AKR1C3: variants seen among roughly 807,000 people sequenced by gnomAD.
The protein encoded by AKR1C3 is aldo-keto reductase family 1 member C3.
AKR1C3 carries 48 observed loss-of-function variants against 43.6 expected under a neutral mutation model. The observed-to-expected ratio is 1.10, with a 90% CI of 0.87 to 1.40. The LOEUF is 1.40. Among genes scored for constraint, AKR1C3 ranks in the 40% most tolerant of loss-of-function variants. AKR1C3 has a pLI of 0.00. For missense variants in AKR1C3, 482 were observed against 391.2 expected, an observed-to-expected ratio of 1.23 and a Z score of -1.96; for synonymous variants, 162 against 139.6, an observed-to-expected ratio of 1.16 and a Z score of -1.13.
chr10:5,065,339 G>T (rs1256602618), intron 1 of AKR1C3, among the ~76,000 whole-genome samples: 1 of 152,176 alleles, frequency 6.6e-6, no homozygotes, highest in Admixed American at 6.5e-5. Flanking sequence ...CAATAGCATA[G>T]TCATGGAATC....
In AKR1C3 at chr10:5,097,801, T is replaced by G. The variant is rs1839245413; in HGVS notation, c.369+251T>G. The G allele has an allele frequency of 4.1e-6, 5 of 1,231,492 alleles. No homozygotes were observed. The South Asian group carries it at 8.4e-5, about 21-fold the overall frequency. The allele number at this position is 1,231,492 out of a possible 1,614,324, so 76.3% of individuals were successfully genotyped here. A position where few individuals can be genotyped will look rare whatever the true frequency, so the allele number is the denominator to read the frequency against. ...CCTCAAAAACTTGAAATTACAATAGTCTCTTTCAAGGCACTGTCTTAGTTG... is the reference window on the plus strand; with the variant it reads ...CCTCAAAAACTTGAAATTACAATAGGCTCTTTCAAGGCACTGTCTTAGTTG... On this transcript the variant is annotated intron_variant, in intron 3 of 8. Coordinates refer to ENST00000380554, the MANE Select transcript of AKR1C3 (RefSeq NM_003739.6).
intron 1 of AKR1C3, among the ~76,000 whole-genome samples, chr10:5,065,806 CTCCAGACA>C (rs1193653103): frequency 5.6e-4 from 86 of 152,298 alleles, no homozygotes; most frequent in African/African-American, 1.9e-3. Context: ...TGTTCCCTGC[CTCCAGACA>C]TTATTTTCTT....
chr10:5,057,275 T>C (rs1554779701), intron 1 of AKR1C3, among the ~76,000 whole-genome samples: 1 of 152,174 alleles, frequency 6.6e-6, no homozygotes, highest in African/African-American at 2.4e-5. Flanking sequence ...TTCTGTCCTC[T>C]CTGAACCACC....
At chr10:5,105,466 G>GAAGTC in intron 7 of AKR1C3, 129 bp from the exon 8 acceptor site, 1 of 644,006 alleles carries the variant, frequency 1.6e-6, no homozygotes, top group Non-Finnish European at 2.7e-6. Flanking sequence ...TGAGTGTTTA[G>GAAGTC]AGCTGACTTC....
chr10:5,068,224 T>C (rs1198358736), intron 1 of AKR1C3, among the ~76,000 whole-genome samples: 2 of 152,130 alleles, frequency 1.3e-5, no homozygotes, highest in Non-Finnish European at 2.9e-5. Context: ...TTTTAGAAAT[T>C]CCATATAATC....
intron 1 of AKR1C3, among the ~76,000 whole-genome samples, chr10:5,084,672 T>C (rs1269600850): frequency 6.6e-6 from 1 of 152,128 alleles, no homozygotes; most frequent in Non-Finnish European, 1.5e-5. Flanking sequence ...TTGGGCAGTA[T>C]GGCCATTTTC....
chr10:5,094,392 A>G (rs924102952), upstream of AKR1C3: 1 of 1,604,950 alleles, frequency 6.2e-7, no homozygotes, highest in Non-Finnish European at 8.5e-7. Flanking sequence ...TGTTTTTGTA[A>G]TCTCTGAGGA....
In AKR1C3 at chr10:5,049,041, A is replaced by T. The variant is rs1462056188; in HGVS notation, c.84+146A>T. ...CCTAGGTTAAAGCTATACTGTATGTACAAAGAGAAAAAGTCAACCTTTGTT... is the reference window on the plus strand; with the variant it reads ...CCTAGGTTAAAGCTATACTGTATGTTCAAAGAGAAAAAGTCAACCTTTGTT... On this transcript the variant is annotated intron_variant, in intron 1 of 8. Transcript: ENST00000439082. 9.9e-6 allele frequency: 6 copies of T among 603,454 alleles called. No homozygotes were observed. In the African/African-American group the frequency reaches 1.1e-4, roughly 11 times the overall value. 37.4% of individuals were successfully genotyped at this position (603,454 alleles called of 1,614,324 possible).
At position 5,060,067 on chromosome 10, in the gene AKR1C3, G is replaced by A. The variant is rs552778052; in HGVS notation, c.84+11172G>A. 9.9e-5 allele frequency among the ~76,000 whole-genome samples: 15 copies of A among 152,210 alleles called. No individual in the cohort carries two copies. The South Asian group carries it at 3.1e-3, about 32-fold the overall frequency. ...AGTGTTAGAGCTCTTAAGGTGGAAC[G>A]TCTGGAGTTGTTCATTCCTCCTGGT... On this transcript the variant is annotated intron_variant, in intron 1 of 8. Transcript: ENST00000439082.
At chr10:5,099,574 C>T in intron 5 of AKR1C3, 125 bp downstream of exon 5, 1 of 1,504,008 alleles carries the variant, frequency 6.6e-7, no homozygotes, top group South Asian at 1.3e-5. Flanking sequence ...GAGAGCAAAG[C>T]TTCTGTCAAG....
chr10:5,107,235 T>C (rs10160019), intron 8 of AKR1C3, among the ~76,000 whole-genome samples: 40,010 of 151,914 alleles, frequency 0.26, 5,538 homozygotes, highest in Middle Eastern at 0.37. Context: ...ATATTTGACT[T>C]TGTGTGTTTT....
rs1839226090 is a variant in AKR1C3 at position 5,097,144 on chromosome 10, C to T, written c.253-290C>T. Among the ~76,000 whole-genome samples the T allele has an allele frequency of 3.9e-5, 6 of 152,196 alleles. No homozygotes were observed. The South Asian group carries it at 1.2e-3, about 32-fold the overall frequency. Reference sequence around the variant, plus strand: ...TTAGACTGTTAAAATGAGTTGTAAACTCTACTGAAGATAATTCAGGTAACA... The same window carrying T: ...TTAGACTGTTAAAATGAGTTGTAAATTCTACTGAAGATAATTCAGGTAACA... On this transcript the variant is annotated intron_variant, in intron 2 of 8. Coordinates refer to ENST00000380554, the MANE Select transcript of AKR1C3 (RefSeq NM_003739.6).
upstream of AKR1C3, among the ~76,000 whole-genome samples, chr10:5,092,317 T>C (rs1193424055): frequency 1.3e-5 from 2 of 152,038 alleles, no homozygotes; most frequent in African/African-American, 4.8e-5. Context: ...CATATTTAGA[T>C]TAATGTCTGT....
Position 5,067,141 on chromosome 10 carries a change from A to G in AKR1C3, c.84+18246A>G, listed in dbSNP as rs7071627. ...TTTGTCCTTTATCTAACAAAGTATA[A>G]GTTTATCCACTTATAAGGCTGGCTG... On this transcript the variant is annotated intron_variant, in intron 1 of 8. Coordinates refer to the AKR1C3 transcript ENST00000439082. 5.4e-3 allele frequency among the ~76,000 whole-genome samples: 823 copies of G among 152,244 alleles called. 10 individuals are homozygous for G. The highest frequency in any genetic ancestry group is 0.019 in the African/African-American group (778 of 41,480).
chr10:5,098,087 G>GTAGT (rs1485042881), intron 3 of AKR1C3: 2 of 991,944 alleles, frequency 2.0e-6, no homozygotes, highest in East Asian at 2.2e-4. Context: ...GAATTACTGT[G>GTAGT]TAGTGTATAA....
At chr10:5,106,252 G>C (rs1428482376) in intron 8 of AKR1C3, among the ~76,000 whole-genome samples, 1 of 152,160 alleles carries the variant, frequency 6.6e-6, no homozygotes, top group Non-Finnish European at 1.5e-5. Context: ...TTAGTGGAGT[G>C]AATAGGAGCG....
intron 1 of AKR1C3, among the ~76,000 whole-genome samples, chr10:5,084,029 G>T (rs1838900875): frequency 2.0e-5 from 3 of 152,252 alleles, no homozygotes; most frequent in South Asian, 4.1e-4. Flanking sequence ...TCTGTAGGTT[G>T]CCTGTTCACT....
chr10:5,055,883 T>C (rs1483295775), intron 1 of AKR1C3, among the ~76,000 whole-genome samples: 1 of 152,218 alleles, frequency 6.6e-6, no homozygotes, highest in African/African-American at 2.4e-5. Flanking sequence ...AAGCCGGTAA[T>C]TCCAAGGAAC....
At chr10:5,054,607 A>G (rs1374599644) in intron 1 of AKR1C3, among the ~76,000 whole-genome samples, 2 of 152,010 alleles carry the variant, frequency 1.3e-5, no homozygotes, top group African/African-American at 4.8e-5. Context: ...TTTTTTCTTT[A>G]CTACTTCCAT....
Sources: gnomAD v4.1 joint callset for allele counts (sites outside exome capture counted in the v4.1 genomes callset) on GRCh38, gnomAD v4.1.1 for gene constraint, MANE v1.5 for transcripts, NCBI Gene and HGNC (gene_info 2026-07-23, HGNC 2026-07-21) for gene names.